Variants in MTDH observed in about 807,000 individuals in gnomAD.
MTDH encodes the protein protein LYRIC.
A neutral mutation model predicts 72.7 loss-of-function variants in MTDH; 34 were observed. The observed-to-expected ratio is 0.47, with a 90% CI of 0.36 to 0.62. The LOEUF (loss-of-function observed/expected upper bound fraction) is 0.62. Among genes scored for constraint, MTDH ranks in the 20% least tolerant of loss-of-function variants. MTDH has a pLI of 0.00. For synonymous variants in MTDH, 266 were observed against 268.9 expected (o/e 0.99, Z 0.10); for missense variants, 677 against 699.4 (o/e 0.97, Z 0.36).
At chr8:97,715,566 A>G (rs1189100303) in intron 9 of MTDH, among the ~76,000 whole-genome samples, 2 of 152,254 alleles carry the variant, frequency 1.3e-5, no homozygotes, top group East Asian at 3.8e-4. Context: ...TCAGTAGTCA[A>G]AATGAATGGG....
intron 7 of MTDH, among the ~76,000 whole-genome samples, chr8:97,705,623 T>G (rs971977583): frequency 1.3e-5 from 2 of 151,932 alleles, no homozygotes; most frequent in Non-Finnish European, 2.9e-5. Flanking sequence ...AAGAAAGAAT[T>G]GAGTGTTTGA....
rs188486333 is a variant in MTDH at position 97,676,990 on chromosome 8, G to A, written c.484-9678G>A. On this transcript the variant is annotated intron_variant, in intron 2 of 11. Transcript: ENST00000336273. ...ATTGCACTCCAGCCTGGGCGACAGA[G>A]TGAGACTCTATCTCAAAAAAAAAAA... Among the ~76,000 whole-genome samples the A allele has an allele frequency of 6.0e-3, 541 of 90,778 alleles. 1 individual carries two copies. The highest frequency in any genetic ancestry group is 0.022 in the African/African-American group (489 of 22,660). 59.6% of individuals were successfully genotyped at this position (90,778 alleles called of 152,430 possible). A position where few individuals can be genotyped will look rare whatever the true frequency, so the allele number is the denominator to read the frequency against.
chr8:97,708,043 A>C (rs974967793), intron 8 of MTDH, among the ~76,000 whole-genome samples: 1 of 151,158 alleles, frequency 6.6e-6, no homozygotes, highest in African/African-American at 2.4e-5. Context: ...ATCTCAGCTC[A>C]CTGCAATCTC....
Position 97,689,464 on chromosome 8 carries a change from TA to T in MTDH, c.811+374del, listed in dbSNP as rs34009363. On this transcript the variant is annotated intron_variant, in intron 5 of 11. Coordinates refer to ENST00000336273, the MANE Select transcript of MTDH (RefSeq NM_178812.4). ...GATAAAATACTTGATGCTTGTATGT[TA>T]AAAAAAAAAAAAGCTTTAGTTCCTA... Among the ~76,000 whole-genome samples the T allele has an allele frequency of 4.7e-3, 674 of 142,722 alleles. 2 individuals carry two copies. Among genetic ancestry groups the T allele is most frequent in the Middle Eastern group, 0.017 (5 of 286 alleles). 93.6% of individuals were successfully genotyped at this position (142,722 alleles called of 152,430 possible). A position where few individuals can be genotyped will look rare whatever the true frequency, so the allele number is the denominator to read the frequency against.
chr8:97,659,813 C>A (rs1356394545), intron 1 of MTDH, among the ~76,000 whole-genome samples: 1 of 152,162 alleles, frequency 6.6e-6, no homozygotes, highest in Admixed American at 6.6e-5. Flanking sequence ...ACCTAGGCCC[C>A]ATTCTCCAAA....
intron 2 of MTDH, among the ~76,000 whole-genome samples, chr8:97,671,500 T>A (rs1044902284): frequency 6.6e-6 from 1 of 152,150 alleles, no homozygotes; most frequent in Non-Finnish European, 1.5e-5. Flanking sequence ...TAATTTATGA[T>A]TATTTTGTTA....
rs574833622 is a variant in MTDH, at chr8:97,683,557, A to G, written c.484-3111A>G. On this transcript the variant is annotated intron_variant, in intron 2 of 11. Transcript: ENST00000336273. The stretch of plus-strand genomic sequence containing the variant: ...ACCACAGTTGCATGCCGCCACCCCC[A>G]CTGATTTTTTTTTTTTAAGAGAGAG... Among the ~76,000 whole-genome samples, 16 of 143,600 alleles carry G rather than the reference A, an allele frequency of 1.1e-4. No individual in the cohort carries two copies. The South Asian group carries it at 3.1e-3, about 28-fold the overall frequency. The allele number at this position is 143,600 out of a possible 152,430, so 94.2% of individuals were successfully genotyped here.
At chr8:97,679,129 G>T (rs1359738668) in intron 2 of MTDH, among the ~76,000 whole-genome samples, 2 of 152,076 alleles carry the variant, frequency 1.3e-5, no homozygotes, top group Non-Finnish European at 2.9e-5. Flanking sequence ...TTTGGGGGTT[G>T]GTTAGTAATC....
chr8:97,662,060 C>T lies in MTDH; in HGVS notation c.483+887C>T, dbSNP rs75950002. On this transcript the variant is annotated intron_variant, in intron 2 of 11. Transcript: ENST00000336273. Reference sequence around the variant, plus strand: ...TTTTCCAGTTGCTTGGCATTAGAACCGACTCATTTTTACTTGACTTAATCT... The same window carrying T: ...TTTTCCAGTTGCTTGGCATTAGAACTGACTCATTTTTACTTGACTTAATCT... Among the ~76,000 whole-genome samples, 26 of 152,146 alleles carry T rather than the reference C, an allele frequency of 1.7e-4. No individual in the cohort carries two copies. In the East Asian group the frequency reaches 4.3e-3, roughly 25 times the overall value.
chr8:97,647,815 A>T (rs897851879), intron 1 of MTDH, among the ~76,000 whole-genome samples: 3 of 152,138 alleles, frequency 2.0e-5, no homozygotes. Context: ...ACAGTGGCTT[A>T]TGCCTGTAAT....
intron 7 of MTDH, among the ~76,000 whole-genome samples, chr8:97,700,716 T>C (rs1814083521): frequency 6.6e-6 from 1 of 152,244 alleles, no homozygotes; most frequent in Non-Finnish European, 1.5e-5. Flanking sequence ...TTCCACACTT[T>C]CCAGATGAAA....
At chr8:97,689,859 C>G (rs757542663) in intron 5 of MTDH, among the ~76,000 whole-genome samples, 1 of 151,490 alleles carries the variant, frequency 6.6e-6, no homozygotes, top group Non-Finnish European at 1.5e-5. Context: ...AGGCGCCCAC[C>G]ACCATACCTG....
In MTDH at chr8:97,678,594, C is replaced by CTTTTTTTTTTTT. The variant is rs35895126; in HGVS notation, c.484-8061_484-8050dup. Among the ~76,000 whole-genome samples, 220 of 85,320 alleles carry CTTTTTTTTTTTT rather than the reference C, an allele frequency of 2.6e-3. 9 individuals are homozygous for CTTTTTTTTTTTT. The highest frequency in any genetic ancestry group is 6.2e-3 in the African/African-American group (125 of 20,010). 56.0% of individuals were successfully genotyped at this position (85,320 alleles called of 152,430 possible). A position where few individuals can be genotyped will look rare whatever the true frequency, so the allele number is the denominator to read the frequency against. ...GTTTCCTTTGCTTCCTTCCTTCCTT[C>CTTTTTTTTTTTT]TTTTTTTTTTTTTTTTTTTTTTTTG... On this transcript the variant is annotated intron_variant, in intron 2 of 11. Transcript: ENST00000336273.
intron 6 of MTDH, 125 bp from the exon 7 acceptor site, chr8:97,699,629 C>G: frequency 1.7e-6 from 1 of 584,726 alleles, no homozygotes. Flanking sequence ...TTTCTAATGT[C>G]TGAATTTTTC....
Position 97,691,687 on chromosome 8 carries a change from T to TTG in MTDH, c.1048+513_1048+514dup, listed in dbSNP as rs1289034485. Reference sequence around the variant, plus strand: ...GCTATCAAGTTAAAAGCAGCTTAATTTGTGTGTGTGTGTGTTTGTGTGTGT... The same window carrying TTG: ...GCTATCAAGTTAAAAGCAGCTTAATTTGTGTGTGTGTGTGTGTTTGTGTGTGT... On this transcript the variant is annotated intron_variant, in intron 6 of 11. Coordinates refer to ENST00000336273, the MANE Select transcript of MTDH (RefSeq NM_178812.4). 5.4e-5 allele frequency among the ~76,000 whole-genome samples: 8 copies of TTG among 148,562 alleles called. No individual in the cohort carries two copies. The South Asian group carries it at 8.5e-4, about 16-fold the overall frequency.
At chr8:97,668,522 A>G (rs1040578758) in intron 2 of MTDH, among the ~76,000 whole-genome samples, 5 of 152,136 alleles carry the variant, frequency 3.3e-5, no homozygotes, top group African/African-American at 1.2e-4. Flanking sequence ...GAATATGGAA[A>G]GTTCATTGAT....
intron 1 of MTDH, among the ~76,000 whole-genome samples, chr8:97,654,827 C>T (rs1045259853): frequency 3.1e-4 from 47 of 152,160 alleles, no homozygotes; most frequent in Non-Finnish European, 5.1e-4. Context: ...TGGCCAGGCA[C>T]AGTTGCTCAC....
chr8:97,651,565 C>T (rs908942272), intron 1 of MTDH, among the ~76,000 whole-genome samples: 9 of 152,224 alleles, frequency 5.9e-5, no homozygotes, highest in African/African-American at 9.6e-5. Context: ...GACTTTGCAG[C>T]TCTGTGCATG....
chr8:97,680,712 A>G (rs184026670), intron 2 of MTDH, among the ~76,000 whole-genome samples: 11 of 152,336 alleles, frequency 7.2e-5, no homozygotes, highest in African/African-American at 2.4e-4. Flanking sequence ...TGATACATTG[A>G]GTGATGTCTG....
Sources: allele counts gnomAD v4.1 joint callset (sites outside exome capture counted in the v4.1 genomes callset), GRCh38; gene constraint gnomAD v4.1.1; transcripts MANE v1.5; gene names NCBI Gene and HGNC (gene_info 2026-07-23, HGNC 2026-07-21).